Variants in FMN1 observed in about 807,000 individuals in gnomAD.
The protein encoded by FMN1 is formin 1, also known as formin-1.
Under a neutral mutation model 132.4 loss-of-function variants are expected in FMN1, and 110 were observed. The ratio of observed to expected loss-of-function variants is 0.83; its 90% CI spans 0.71 to 0.97. FMN1 has a LOEUF of 0.97. Among genes scored for constraint, FMN1 ranks in the 50% least tolerant of loss-of-function variants. FMN1 has a pLI of 0.00. For missense variants in FMN1, 1,792 were observed against 1,705.3 expected (o/e 1.05, Z -0.90); for synonymous variants, 722 against 651.7 (o/e 1.11, Z -1.64).
intron 4 of FMN1, among the ~76,000 whole-genome samples, chr15:33,104,567 C>G (rs1386052740): frequency 6.6e-6 from 1 of 151,844 alleles, no homozygotes; most frequent in Non-Finnish European, 1.5e-5. Context: ...ATGAGATGAA[C>G]CTAAGATAGC....
chr15:32,911,624 C>G (rs138528867), intron 10 of FMN1, among the ~76,000 whole-genome samples: 76 of 152,222 alleles, frequency 5.0e-4, no homozygotes, highest in African/African-American at 1.8e-3. Flanking sequence ...CTAAAATTAA[C>G]TGAGCTAAGA....
chr15:33,089,861 C>G (rs1229430588), intron 4 of FMN1, among the ~76,000 whole-genome samples: 1 of 152,120 alleles, frequency 6.6e-6, no homozygotes, highest in African/African-American at 2.4e-5. Context: ...ATTTTACGGT[C>G]AAGTAAGTGT....
intron 16 of FMN1, among the ~76,000 whole-genome samples, chr15:32,864,382 T>C (rs16960151): frequency 0.27 from 40,551 of 152,088 alleles, 5,521 homozygotes; most frequent in African/African-American, 0.31. Flanking sequence ...TGAAAGGGAC[T>C]GCTACACCCA....
chr15:32,863,077 T>C (rs570145859), intron 16 of FMN1, among the ~76,000 whole-genome samples: 1 of 152,308 alleles, frequency 6.6e-6, no homozygotes, highest in South Asian at 2.1e-4. Flanking sequence ...ATGAGAGACA[T>C]AAAGTGAAGC....
intron 6 of FMN1, among the ~76,000 whole-genome samples, chr15:33,056,862 A>C (rs1362896271): frequency 1.3e-5 from 2 of 152,204 alleles, no homozygotes; most frequent in East Asian, 1.9e-4. Flanking sequence ...AAAATGAGTT[A>C]ATTTATATTA....
intron 4 of FMN1, among the ~76,000 whole-genome samples, chr15:33,132,979 CAG>C (rs1189211658): frequency 6.6e-6 from 1 of 152,188 alleles, no homozygotes; most frequent in African/African-American, 2.4e-5. Context: ...AATTCTGGAA[CAG>C]AAAGGAATGC....
intron 4 of FMN1, among the ~76,000 whole-genome samples, chr15:33,128,940 T>C (rs1963410921): frequency 6.6e-6 from 1 of 152,042 alleles, no homozygotes; most frequent in Admixed American, 6.6e-5. Context: ...TTTTACAGAG[T>C]GCTGATTGGT....
chr15:32,965,330 G>A (rs1053456518), intron 8 of FMN1, among the ~76,000 whole-genome samples: 2 of 152,040 alleles, frequency 1.3e-5, no homozygotes, highest in Admixed American at 1.3e-4. Context: ...AACCCGGGAG[G>A]CAGAGGTTGC....
At chr15:32,905,293 G>A (rs1339899914) in intron 12 of FMN1, among the ~76,000 whole-genome samples, 1 of 152,172 alleles carries the variant, frequency 6.6e-6, no homozygotes, top group Admixed American at 6.5e-5. Flanking sequence ...TATCACCTAA[G>A]GTGTATGTGC....
chr15:32,949,304 T>TAC (rs1461802141), intron 9 of FMN1, among the ~76,000 whole-genome samples: 2 of 152,098 alleles, frequency 1.3e-5, no homozygotes, highest in Non-Finnish European at 2.9e-5. Context: ...ACTACAAGGC[T>TAC]ACAGTAACCA....
At chr15:32,872,298 A>C (rs947404873) in intron 16 of FMN1, among the ~76,000 whole-genome samples, 1 of 152,252 alleles carries the variant, frequency 6.6e-6, no homozygotes, top group Non-Finnish European at 1.5e-5. Flanking sequence ...GAACATATAG[A>C]GCCTATATTT....
intron 16 of FMN1, among the ~76,000 whole-genome samples, chr15:32,872,074 C>T (rs1408730203): frequency 1.3e-5 from 2 of 150,968 alleles, no homozygotes; most frequent in Admixed American, 6.6e-5. Context: ...TAATGTGTCA[C>T]GTTTAATTGG....
intron 4 of FMN1, among the ~76,000 whole-genome samples, chr15:33,129,143 C>A (rs763951731): frequency 3.2e-4 from 49 of 152,284 alleles, no homozygotes; most frequent in Non-Finnish European, 5.7e-4. Context: ...CTTCACCTCT[C>A]AATATTTTAA....
At chr15:32,805,118 C>T (rs1359475044) in intron 17 of FMN1, among the ~76,000 whole-genome samples, 5 of 152,172 alleles carry the variant, frequency 3.3e-5, no homozygotes, top group Admixed American at 3.3e-4. Context: ...CTAATTTACA[C>T]TCCCAACAGT....
intron 15 of FMN1, among the ~76,000 whole-genome samples, chr15:32,896,495 T>C (rs1427674370): frequency 2.6e-5 from 4 of 152,164 alleles, no homozygotes; most frequent in African/African-American, 4.8e-5. Flanking sequence ...AGTATAGTAT[T>C]GTTAGCCATG....
intron 17 of FMN1, among the ~76,000 whole-genome samples, chr15:32,812,264 T>C (rs1397829997): frequency 6.6e-6 from 1 of 152,128 alleles, no homozygotes; most frequent in East Asian, 1.9e-4. Context: ...CCCTTACACA[T>C]AGTTGAAAAT....
At chr15:32,820,197 G>A (rs1419270328) in intron 17 of FMN1, among the ~76,000 whole-genome samples, 1 of 152,124 alleles carries the variant, frequency 6.6e-6, no homozygotes, top group Non-Finnish European at 1.5e-5. Flanking sequence ...ATTACAACGT[G>A]AAGGGTGTAT....
chr15:32,954,300 T>C (rs987805883), intron 9 of FMN1, among the ~76,000 whole-genome samples: 3 of 152,244 alleles, frequency 2.0e-5, no homozygotes, highest in Non-Finnish European at 4.4e-5. Flanking sequence ...TACAATATGC[T>C]ACTGATGGTT....
intron 16 of FMN1, among the ~76,000 whole-genome samples, chr15:32,877,688 C>T (rs2059670049): frequency 6.6e-6 from 1 of 152,202 alleles, no homozygotes; most frequent in South Asian, 2.1e-4. Context: ...GGGTGAGGAA[C>T]CCACTACTGC....
Sources: allele counts gnomAD v4.1 joint callset (sites outside exome capture counted in the v4.1 genomes callset), GRCh38; gene constraint gnomAD v4.1.1; transcripts MANE v1.5; gene names NCBI Gene and HGNC (gene_info 2026-07-23, HGNC 2026-07-21).